FBXO11: variants seen among roughly 807,000 people sequenced by gnomAD.
The protein encoded by FBXO11 is F-box protein 11.
FBXO11 carries 13 observed loss-of-function variants against 117.0 expected under a neutral mutation model. That is an observed-to-expected ratio of 0.11 (90% CI 0.07 to 0.18). The LOEUF (loss-of-function observed/expected upper bound fraction) is 0.18. FBXO11 is among the 10% of genes least tolerant of loss of function. The probability of loss-of-function intolerance (pLI) is 1.00; values close to 1 mark genes in which losing one functional copy is unlikely to be tolerated. For synonymous variants in FBXO11, 490 were observed against 380.5 expected (o/e 1.29, Z -3.35); for missense variants, 767 against 1,164.4 (o/e 0.66, Z 4.97).
intron 1 of FBXO11, among the ~76,000 whole-genome samples, chr2:47,848,674 G>C (rs1443444080): frequency 6.6e-6 from 1 of 151,906 alleles, no homozygotes; most frequent in Non-Finnish European, 1.5e-5. Flanking sequence ...CTATTAATAG[G>C]AACCACAGAA....
intron 1 of FBXO11, among the ~76,000 whole-genome samples, chr2:47,860,922 C>T (rs1250526138): frequency 1.4e-5 from 2 of 147,480 alleles, no homozygotes; most frequent in Non-Finnish European, 3.0e-5. Flanking sequence ...TCTCGGCTCA[C>T]TGCAACCTCC....
intron 18 of FBXO11, 63 bp downstream of exon 18, chr2:47,813,171 T>G: frequency 6.7e-7 from 1 of 1,482,280 alleles, no homozygotes; most frequent in Non-Finnish European, 9.4e-7. Flanking sequence ...TCATTGATCA[T>G]TAAAGATATG....
chr2:47,817,347 T>C (rs997055408), intron 16 of FBXO11, among the ~76,000 whole-genome samples: 1 of 152,238 alleles, frequency 6.6e-6, no homozygotes, highest in African/African-American at 2.4e-5. Context: ...TCTATCCACA[T>C]CACTAAAACA....
rs187484652 is a variant in FBXO11, at chr2:47,837,800, G to A, written c.587+1059C>T. On this transcript the variant is annotated intron_variant, in intron 4 of 22. Coordinates refer to ENST00000403359, the MANE Select transcript of FBXO11 (RefSeq NM_001190274.2). ...GGCTGCAGTGCAGTGGCACGATCAC[G>A]GCTTTCTGCAGCCTTGACTTCCTGG... is the stretch of plus-strand genomic sequence containing the variant. Among the ~76,000 whole-genome samples the A allele has an allele frequency of 2.0e-5, 3 of 152,146 alleles. No homozygotes were observed. The East Asian group carries it at 5.8e-4, about 29-fold the overall frequency.
In FBXO11 at chr2:47,905,768, A is replaced by T. The variant is rs1030161971; in HGVS notation, c.-48T>A. 1 of 1,264,382 alleles carries T rather than the reference A, an allele frequency of 7.9e-7. No homozygotes were observed. The highest frequency in any genetic ancestry group is 1.6e-5 in the African/African-American group (1 of 60,884). The allele number at this position is 1,264,382 out of a possible 1,614,324, so 78.3% of individuals were successfully genotyped here. On this transcript the variant is annotated 5_prime_UTR_variant, in exon 1 of 23. Transcript: ENST00000403359. ...TTGGCGGAGGGACACACACACGCAC[A>T]CGCACAGCGAGCTTCGGGGCAGGAG...
At chr2:47,819,105 T>C (rs753415566) in intron 14 of FBXO11, 27 bp from the exon 15 acceptor site, 1 of 1,606,954 alleles carries the variant, frequency 6.2e-7, no homozygotes, top group Non-Finnish European at 8.5e-7. Flanking sequence ...CTGGTTATAA[T>C]ATTTATCTTC....
rs1405262955 is a variant in FBXO11, at chr2:47,807,799, G to A, written c.*319C>T. 1.5e-5 allele frequency: 4 copies of A among 272,498 alleles called. No individual in the cohort carries two copies. The highest frequency in any genetic ancestry group is 2.0e-4 in the South Asian group (2 of 9,880). The allele number at this position is 272,498 out of a possible 1,614,324, so 16.9% of individuals were successfully genotyped here. A position where few individuals can be genotyped will look rare whatever the true frequency, so the allele number is the denominator to read the frequency against. On this transcript the variant is annotated 3_prime_UTR_variant, in exon 23 of 23. Coordinates refer to ENST00000403359, the MANE Select transcript of FBXO11 (RefSeq NM_001190274.2). ...CTATTGAAGATTACTACTGCAAATT[G>A]GACTGCATTCAATGCTAGTTGTAAA...
chr2:47,868,888 G>T (rs1675400256), intron 1 of FBXO11, among the ~76,000 whole-genome samples: 1 of 152,186 alleles, frequency 6.6e-6, no homozygotes, highest in Admixed American at 6.5e-5. Flanking sequence ...GTTCTCACTG[G>T]CATAGACACT....
At chr2:47,850,910 G>C (rs1262845058) in intron 1 of FBXO11, among the ~76,000 whole-genome samples, 2 of 152,036 alleles carry the variant, frequency 1.3e-5, no homozygotes, top group Admixed American at 6.6e-5. Context: ...TGTTCCCCTA[G>C]TTTTTCACGT....
intron 1 of FBXO11, among the ~76,000 whole-genome samples, chr2:47,897,173 T>C (rs1572924129): frequency 6.6e-6 from 1 of 152,324 alleles, no homozygotes; most frequent in East Asian, 1.9e-4. Flanking sequence ...TACTAAGTGT[T>C]AGAATCTCAT....
chr2:47,866,549 C>A (rs1223347584), intron 1 of FBXO11, among the ~76,000 whole-genome samples: 1 of 151,754 alleles, frequency 6.6e-6, no homozygotes, highest in Non-Finnish European at 1.5e-5. Context: ...TCTAAGCTCA[C>A]TGCAAACTCC....
intron 1 of FBXO11, among the ~76,000 whole-genome samples, chr2:47,890,888 G>C (rs573057810): frequency 6.6e-6 from 1 of 152,072 alleles, no homozygotes; most frequent in African/African-American, 2.4e-5. Flanking sequence ...TGCAATCATA[G>C]CTCACCGCAG....
rs780665551 is a variant in FBXO11 at position 47,813,387 on chromosome 2, C to A, written c.2084-10G>T. 1.4e-5 allele frequency: 20 copies of A among 1,408,294 alleles called. 1 individual carries two copies. The East Asian group carries it at 4.2e-4, about 29-fold the overall frequency. 87.2% of individuals were successfully genotyped at this position (1,408,294 alleles called of 1,614,324 possible). ...TCTATACAGCCTAGACCTATAAATG[C>A]AAAAATGTAGGTTATCTAGAAGGTA... On this transcript the variant is annotated splice_polypyrimidine_tract_variant and intron_variant, in intron 17 of 22. Transcript: ENST00000403359.
chr2:47,847,694 ACT>A (rs1250058634), intron 1 of FBXO11, among the ~76,000 whole-genome samples: 1 of 152,122 alleles, frequency 6.6e-6, no homozygotes, highest in Non-Finnish European at 1.5e-5. Flanking sequence ...ACAGAGCGAG[ACT>A]CTGTCTCAAA....
At chr2:47,832,723 T>G (rs1672286718) in intron 9 of FBXO11, 45 bp from the exon 10 acceptor site, 1 of 1,607,146 alleles carries the variant, frequency 6.2e-7, no homozygotes, top group African/African-American at 1.3e-5. Flanking sequence ...CTGGGCAACA[T>G]ACAGTGACTC....
chr2:47,823,031 A>G (rs1057466058), intron 12 of FBXO11, 112 bp downstream of exon 12: 3 of 661,576 alleles, frequency 4.5e-6, no homozygotes, highest in Non-Finnish European at 7.5e-6. Context: ...AATCTATTTT[A>G]TAGTAGTCAA....
intron 1 of FBXO11, among the ~76,000 whole-genome samples, chr2:47,848,395 G>T (rs1673586259): frequency 6.6e-6 from 1 of 152,118 alleles, no homozygotes; most frequent in Non-Finnish European, 1.5e-5. Flanking sequence ...CTTCTTATGA[G>T]AATCTAATTA....
chr2:47,817,077 A>C (rs1320200064), intron 16 of FBXO11, among the ~76,000 whole-genome samples: 2 of 152,224 alleles, frequency 1.3e-5, no homozygotes, highest in Non-Finnish European at 1.5e-5. Flanking sequence ...TCTACACTGA[A>C]ATCTGTTTAG....
chr2:47,832,854 T>C lies in FBXO11; in HGVS notation c.1068A>G (p.Gln356=), dbSNP rs528107824. 9.3e-6 allele frequency: 15 copies of C among 1,614,038 alleles called. No homozygotes were observed. In the South Asian group the frequency reaches 1.5e-4, roughly 17 times the overall value. Reference sequence around the variant, plus strand: ...CTAAGCAGTGGTGTGCATTGTGGTGTTGTGCAGATTTGTCATCAGGGTTAA... The same window carrying C: ...CTAAGCAGTGGTGTGCATTGTGGTGCTGTGCAGATTTGTCATCAGGGTTAA... ...IRFNPDDKSA[Q]HHNAHHCLEI... Residue 356 remains glutamine (Q), a synonymous_variant, in exon 9 of 23, where the codon CAA becomes CAG. Coordinates refer to ENST00000403359, the MANE Select transcript of FBXO11 (RefSeq NM_001190274.2).
Sources: allele counts gnomAD v4.1 joint callset (sites outside exome capture counted in the v4.1 genomes callset), GRCh38; gene constraint gnomAD v4.1.1; transcripts MANE v1.5; gene names NCBI Gene and HGNC (gene_info 2026-07-23, HGNC 2026-07-21).